Variants in UBAC2 observed in about 807,000 individuals in gnomAD.
UBAC2 encodes ubiquitin-associated domain-containing protein 2.
A neutral mutation model predicts 44.0 loss-of-function variants in UBAC2; 26 were observed. The observed-to-expected ratio is 0.59, with a 90% CI of 0.43 to 0.82. UBAC2 has a LOEUF of 0.82. UBAC2 is among the 40% of genes least tolerant of loss of function. The pLI, the probability that UBAC2 is intolerant of heterozygous loss-of-function variation, is 0.00. For missense variants in UBAC2, 329 were observed against 419.4 expected, an observed-to-expected ratio of 0.78 and a Z score of 1.88; for synonymous variants, 155 against 154.3, an observed-to-expected ratio of 1.00 and a Z score of -0.04.
chr13:99,244,733 T>C (rs1200190412), intron 4 of UBAC2, 109 bp downstream of exon 4: 4 of 555,772 alleles, frequency 7.2e-6, no homozygotes, highest in African/African-American at 5.8e-5. Flanking sequence ...CTTCTAGATA[T>C]AGTTAAATTG....
intron 7 of UBAC2, among the ~76,000 whole-genome samples, chr13:99,359,649 T>G (rs532529612): frequency 6.6e-6 from 1 of 152,372 alleles, no homozygotes; most frequent in East Asian, 1.9e-4. Context: ...CTGGGCCAGC[T>G]GTAAACAGTT....
At chr13:99,377,962 G>T (rs2045502980) in intron 8 of UBAC2, among the ~76,000 whole-genome samples, 1 of 152,236 alleles carries the variant, frequency 6.6e-6, no homozygotes, top group South Asian at 2.1e-4. Flanking sequence ...AAGACAGCAT[G>T]CAGCTTCCCC....
chr13:99,303,180 A>C (rs2044281593), intron 4 of UBAC2, among the ~76,000 whole-genome samples: 1 of 152,250 alleles, frequency 6.6e-6, no homozygotes. Flanking sequence ...GACCAAGTAC[A>C]GAGAACTTCT....
chr13:99,204,043 C>T (rs557417528), intron 1 of UBAC2, among the ~76,000 whole-genome samples: 7 of 152,288 alleles, frequency 4.6e-5, no homozygotes, highest in South Asian at 4.1e-4. Context: ...CTCAGCTCTA[C>T]GTTGAGTAAT....
At chr13:99,203,023 T>TTTTATTTA (rs58103279) in intron 1 of UBAC2, among the ~76,000 whole-genome samples, 50,744 of 146,156 alleles carry the variant, frequency 0.35, 10,230 homozygotes, top group Non-Finnish European at 0.43. Flanking sequence ...CTTTGTTTTA[T>TTTTATTTA]TTTATTTATT....
chr13:99,361,112 A>G (rs1185132681), intron 7 of UBAC2, among the ~76,000 whole-genome samples: 1 of 152,246 alleles, frequency 6.6e-6, no homozygotes. Flanking sequence ...TTGGGAAACC[A>G]TCATGTATGT....
At chr13:99,239,429 A>G (rs2043275815) in intron 2 of UBAC2, among the ~76,000 whole-genome samples, 1 of 152,230 alleles carries the variant, frequency 6.6e-6, no homozygotes, top group Non-Finnish European at 1.5e-5. Flanking sequence ...GGTATAATTT[A>G]TACCTAGATT....
chr13:99,352,550 T>C (rs986098587), intron 7 of UBAC2, among the ~76,000 whole-genome samples: 1 of 152,232 alleles, frequency 6.6e-6, no homozygotes, highest in Non-Finnish European at 1.5e-5. Flanking sequence ...AGTAGAGCTT[T>C]ATGTGTGCAA....
chr13:99,332,284 G>GTT (rs1364707784), intron 6 of UBAC2, among the ~76,000 whole-genome samples: 1 of 152,122 alleles, frequency 6.6e-6, no homozygotes, highest in Non-Finnish European at 1.5e-5. Flanking sequence ...GACAGTTGAA[G>GTT]TTTACTCTCT....
chr13:99,323,149 C>T (rs1261504502), intron 6 of UBAC2, among the ~76,000 whole-genome samples: 3 of 152,032 alleles, frequency 2.0e-5, no homozygotes, highest in Non-Finnish European at 4.4e-5. Flanking sequence ...TCCTATTTAA[C>T]CTTTTTTCCC....
chr13:99,358,124 G>A (rs1403028971), intron 7 of UBAC2, among the ~76,000 whole-genome samples: 2 of 152,168 alleles, frequency 1.3e-5, no homozygotes, highest in Non-Finnish European at 2.9e-5. Flanking sequence ...GTGAGAGCAG[G>A]CTCCCCAGCA....
intron 7 of UBAC2, among the ~76,000 whole-genome samples, chr13:99,366,917 G>A (rs11843501): frequency 1.3e-3 from 195 of 152,268 alleles, no homozygotes; most frequent in African/African-American, 4.6e-3. Flanking sequence ...TCTATTAATA[G>A]CATTTTTAGG....
At chr13:99,341,841 A>C (rs756215611) in intron 7 of UBAC2, among the ~76,000 whole-genome samples, 10 of 152,242 alleles carry the variant, frequency 6.6e-5, no homozygotes, top group Non-Finnish European at 1.3e-4. Flanking sequence ...GTAGAGGCAC[A>C]GAGCTTATGA....
rs563049624 is a variant in UBAC2, at chr13:99,284,512, T to C, written c.390-29585T>C. 2.0e-5 allele frequency among the ~76,000 whole-genome samples: 3 copies of C among 152,366 alleles called. 1 individual carries two copies. The South Asian group carries it at 6.2e-4, about 32-fold the overall frequency. On this transcript the variant is annotated intron_variant, in intron 4 of 8. Coordinates refer to ENST00000403766, the MANE Select transcript of UBAC2 (RefSeq NM_001144072.2). ...TTAACATTTTCCGCATTTGCTGTTA[T>C]CATTTTCTCTCTACACAGTATTTTT...
chr13:99,223,554 T>G (rs1484961057), intron 1 of UBAC2, among the ~76,000 whole-genome samples: 4 of 148,626 alleles, frequency 2.7e-5, no homozygotes, highest in African/African-American at 4.9e-5. Context: ...TTTTTTTTTT[T>G]TTTTTTTTTT....
intron 6 of UBAC2, 42 bp from the exon 7 acceptor site, chr13:99,340,278 A>G (rs2138830485): frequency 6.3e-7 from 1 of 1,598,710 alleles, no homozygotes; most frequent in Non-Finnish European, 8.5e-7. Flanking sequence ...TTTTTAAAAT[A>G]ATACTACATT....
intron 5 of UBAC2, 40 bp downstream of exon 5, chr13:99,314,260 A>ATTT: frequency 1.6e-6 from 2 of 1,244,974 alleles, no homozygotes; most frequent in African/African-American, 2.3e-5. Context: ...CTTTAACCAG[A>ATTT]TCTTTTTTTT....
intron 7 of UBAC2, among the ~76,000 whole-genome samples, chr13:99,362,630 T>G (rs182654332): frequency 1.3e-5 from 2 of 152,254 alleles, no homozygotes; most frequent in Non-Finnish European, 2.9e-5. Flanking sequence ...ATATGTTTCT[T>G]GACTTGGGAT....
intron 4 of UBAC2, among the ~76,000 whole-genome samples, chr13:99,272,607 G>A (rs777105144): frequency 1.7e-4 from 26 of 152,122 alleles, no homozygotes; most frequent in African/African-American, 2.4e-4. Flanking sequence ...AGGGCCTGCC[G>A]TCTTCCTGAC....
Sources: allele counts gnomAD v4.1 joint callset (sites outside exome capture counted in the v4.1 genomes callset), GRCh38; gene constraint gnomAD v4.1.1; transcripts MANE v1.5; gene names NCBI Gene and HGNC (gene_info 2026-07-23, HGNC 2026-07-21).